Variants in BCL9L observed in about 807,000 individuals in gnomAD.
BCL9L encodes the protein B-cell CLL/lymphoma 9-like protein.
In BCL9L, 19 loss-of-function variants were observed where a neutral mutation model predicts 99.4. The observed-to-expected ratio is 0.19, with a 90% CI of 0.13 to 0.28. The LOEUF is 0.28. Among genes scored for constraint, BCL9L ranks in the 10% least tolerant of loss-of-function variants. The pLI is 1.00. For missense variants in BCL9L, 2,023 were observed against 2,101.6 expected (o/e 0.96, Z 0.73); for synonymous variants, 900 against 854.8 (o/e 1.05, Z -0.92).
chr11:118,899,323 G>A lies in BCL9L; in HGVS notation c.3592C>T (p.Pro1198Ser), dbSNP rs749292480. 5 of 1,557,668 alleles carry A rather than the reference G, an allele frequency of 3.2e-6. No individual in the cohort carries two copies. The highest frequency in any genetic ancestry group is 4.3e-6 in the Non-Finnish European group (5 of 1,152,200). The change falls in exon 10 of 10, where the codon CCT (proline) becomes TCT (serine). Residue 1198 changes from proline (P) to serine (S), a missense_variant. Physicochemically the swap from Pro to Ser is moderately conservative, Grantham distance 74 (BLOSUM62 -1). Coordinates refer to ENST00000683865, the MANE Select transcript of BCL9L (RefSeq NM_001378213.1). ...HPNAQGTGGP[P>S]QNSMMMAPGG... ...GGGGCCATCATCATGGAGTTTTGAG[G>A]GGGCCCCCCTGTCCCCTGTGCGTTG... is the stretch of plus-strand genomic sequence containing the variant.
Position 118,902,050 on chromosome 11 carries a change from G to A in BCL9L, c.1693C>T (p.His565Tyr). Residue 565 changes from histidine (H) to tyrosine (Y), a missense_variant, in exon 8 of 10, where the codon CAC becomes TAC. Around this residue, in one of 3 missense-constraint regions of BCL9L, gnomAD observed 1,116 missense variants for 1,194.6 expected, o/e 0.93. Transcript: ENST00000683865. This position sits in a 1 kb window ranked among gnomAD's most constrained non-coding sequence, Gnocchi z 7.8. ...GGCCACTGATCCCCAGGCTTGCTGTGGTAAGGAGGCGGGGGCCCCCTCACC... is the reference window on the plus strand; with the variant it reads ...GGCCACTGATCCCCAGGCTTGCTGTAGTAAGGAGGCGGGGGCCCCCTCACC... ...MMVRGPPPPYHSKPGDQWPPG... is the reference protein window; with the variant it reads ...MMVRGPPPPYYSKPGDQWPPG... 1.2e-6 allele frequency: 2 copies of A among 1,614,044 alleles called. No individual in the cohort carries two copies. Among genetic ancestry groups the A allele is most frequent in the Admixed American group, 1.7e-5 (1 of 60,030 alleles).
intron 9 of BCL9L, among the ~76,000 whole-genome samples, 155 bp downstream of exon 9, chr11:118,899,762 A>G (rs1054887216): frequency 9.9e-5 from 15 of 152,106 alleles, no homozygotes; most frequent in Non-Finnish European, 1.8e-4. Context: ...GGGTTTCCCT[A>G]ATGACTCCAG....
Position 118,907,606 on chromosome 11 carries a change from C to A in BCL9L, c.413-4G>T, listed in dbSNP as rs367712528. 11 of 1,611,762 alleles carry A rather than the reference C, an allele frequency of 6.8e-6. No homozygotes were observed. In the South Asian group the frequency reaches 1.2e-4, roughly 18 times the overall value. On this transcript the variant is annotated splice_polypyrimidine_tract_variant and splice_region_variant and intron_variant, in intron 4 of 9. Coordinates refer to ENST00000683865, the MANE Select transcript of BCL9L (RefSeq NM_001378213.1). ...CGCTTACTCCGCGGCGCCACCTCTG[C>A]CCAGGCAGGACGGAGGAAAGAGTGA...
At chr11:118,906,255 G>A (rs867023674) in intron 5 of BCL9L, among the ~76,000 whole-genome samples, 1 of 152,320 alleles carries the variant, frequency 6.6e-6, no homozygotes, top group South Asian at 2.1e-4. Flanking sequence ...TGTGACATAA[G>A]TGAACTGGAG....
At position 118,902,009 on chromosome 11, in the gene BCL9L, C is replaced by A; in HGVS notation, c.1734G>T (p.Ala578=). 3.7e-6 allele frequency: 6 copies of A among 1,613,518 alleles called. No individual in the cohort carries two copies. Among genetic ancestry groups the A allele is most frequent in the Non-Finnish European group, 5.1e-6 (6 of 1,179,942 alleles). Residue 578 remains alanine, a synonymous_variant, in exon 8 of 10, where the codon GCG becomes GCT. Transcript: ENST00000683865. The surrounding 1 kb of genome is among the most constrained non-coding windows in gnomAD (Gnocchi z 7.8). ...PGDQWPPGMG[A]QLRGPMDVQD... ...GAACATCCATGGGCCCCCGCAGCTG[C>A]GCACCCATTCCAGGTGGCCACTGAT...
rs1940253914 is a variant in BCL9L at position 118,901,793 on chromosome 11, G to T, written c.1950C>A (p.Ser650Arg). Residue 650 changes from serine (S) to arginine (R), a missense_variant, in exon 8 of 10, where the codon AGC becomes AGA. Around this residue, in one of 3 missense-constraint regions of BCL9L, gnomAD observed 1,116 missense variants for 1,194.6 expected, o/e 0.93. Coordinates refer to ENST00000683865, the MANE Select transcript of BCL9L (RefSeq NM_001378213.1). This position sits in a 1 kb window ranked among gnomAD's most constrained non-coding sequence, Gnocchi z 6.6. ...AGGGCATGGTGTTCTGGGCAAAATT[G>T]CTGGGTCCCCCCATAGGGGGCAAGT... The part of the protein sequence containing the change: ...TEDLPPMGGP[S>R]NFAQNTMPYP... 1.2e-6 allele frequency: 2 copies of T among 1,611,018 alleles called. No homozygotes were observed. Among genetic ancestry groups the T allele is most frequent in the East Asian group, 4.5e-5 (2 of 44,780 alleles).
chr11:118,908,727 C>G, intron 3 of BCL9L, 72 bp from the exon 4 acceptor site: 1 of 1,382,188 alleles, frequency 7.2e-7, no homozygotes. Context: ...CTTAATTACC[C>G]CATCCTGCCT....
rs564185660 is a variant in BCL9L at position 118,914,252 on chromosome 11, G to A, written c.-76-4237C>T. Among the ~76,000 whole-genome samples the A allele has an allele frequency of 6.6e-6, 1 of 152,276 alleles. No homozygotes were observed. Among genetic ancestry groups the A allele is most frequent in the African/African-American group, 2.4e-5 (1 of 41,548 alleles). ...GGGTTAATCTGTCCCCTATTTAGGG[G>A]GGTAGGGGTGGCCGAGGAACCTCCT... On this transcript the variant is annotated intron_variant, in intron 2 of 9. Coordinates refer to ENST00000683865, the MANE Select transcript of BCL9L (RefSeq NM_001378213.1). The surrounding 1 kb of genome is among the most constrained non-coding windows in gnomAD (Gnocchi z 4.4).
At position 118,908,258 on chromosome 11, in the gene BCL9L, G is replaced by A. The variant is rs775143124; in HGVS notation, c.412+12C>T. ...GAGATGCTAGGGTCTTAGGGATGAGGAAATGGGGTACCTTTGGCCTCTGAA... is the reference window on the plus strand; with the variant it reads ...GAGATGCTAGGGTCTTAGGGATGAGAAAATGGGGTACCTTTGGCCTCTGAA... On this transcript the variant is annotated intron_variant, in intron 4 of 9. Transcript: ENST00000683865. The A allele has an allele frequency of 8.5e-6, 13 of 1,535,994 alleles. No individual in the cohort carries two copies. The highest frequency in any genetic ancestry group is 2.0e-5 in the Admixed American group (1 of 48,820).
rs1940617290 is a variant in BCL9L at position 118,908,330 on chromosome 11, A to T, written c.352T>A (p.Ser118Thr). The part of the protein sequence containing the change: ...KGKVKRDRSV[S>T]VDSGEQREAG... ...TCTCGCTGCTCTCCAGAGTCCACAGACACACTCCGGTCCCTCTTCACCTTG... is the reference window on the plus strand; with the variant it reads ...TCTCGCTGCTCTCCAGAGTCCACAGTCACACTCCGGTCCCTCTTCACCTTG... The change falls in exon 4 of 10, where the codon TCT (serine) becomes ACT (threonine). Residue 118 changes from serine to threonine, a missense_variant. Physicochemically the swap from Ser to Thr is moderately conservative, Grantham distance 58 (BLOSUM62 1). Transcript: ENST00000683865. 6.2e-7 allele frequency: 1 copy of T among 1,605,154 alleles called. No homozygotes were observed. Among genetic ancestry groups the T allele is most frequent in the South Asian group, 1.1e-5 (1 of 89,920 alleles).
rs763488861 is a variant in BCL9L at position 118,907,554 on chromosome 11, G to A, written c.461C>T (p.Pro154Leu). The change falls in exon 5 of 10, where the codon CCG becomes CTG. Residue 154 changes from proline to leucine, a missense_variant. Around this residue, in one of 3 missense-constraint regions of BCL9L, gnomAD observed 1,116 missense variants for 1,194.6 expected, o/e 0.93. Coordinates refer to ENST00000683865, the MANE Select transcript of BCL9L (RefSeq NM_001378213.1). Reference protein sequence around the residue: ...KRRCVLERKQPYSGDEWCSGP... With the variant: ...KRRCVLERKQLYSGDEWCSGP... Reference sequence around the variant, plus strand: ...AGAGCACCATTCGTCCCCACTGTACGGCTGCTTCCGCTCCAGCACACAGCG... The same window carrying A: ...AGAGCACCATTCGTCCCCACTGTACAGCTGCTTCCGCTCCAGCACACAGCG... 7 of 1,614,086 alleles carry A rather than the reference G, an allele frequency of 4.3e-6. No individual in the cohort carries two copies. In the South Asian group the frequency reaches 4.4e-5, roughly 10 times the overall value.
chr11:118,900,841 T>G lies in BCL9L; in HGVS notation c.2902A>C (p.Asn968His). ...GGCGACTTGAGAGGTCCTGGCGGGT[T>G]GGCAGAAGGCAAGGGCACCATCTGT... ...PSQMVPLPSA[N>H]PPGPLKSPQV... The change falls in exon 8 of 10, where the codon AAC (asparagine) becomes CAC (histidine). Residue 968 changes from asparagine (N) to histidine (H), a missense_variant. Asn to His is a moderately conservative substitution (Grantham distance 68). Coordinates refer to ENST00000683865, the MANE Select transcript of BCL9L (RefSeq NM_001378213.1). The surrounding 1 kb of genome is among the most constrained non-coding windows in gnomAD (Gnocchi z 5.3). The G allele has an allele frequency of 6.2e-7, 1 of 1,613,060 alleles. No homozygotes were observed. The highest frequency in any genetic ancestry group is 1.1e-5 in the South Asian group (1 of 91,062).
rs754751453 is a variant in BCL9L at position 118,902,549 on chromosome 11, G to C, written c.1194C>G (p.Gly398=). 4 of 1,602,280 alleles carry C rather than the reference G, an allele frequency of 2.5e-6. No individual in the cohort carries two copies. In the South Asian group the frequency reaches 4.4e-5, roughly 18 times the overall value. Reference sequence around the variant, plus strand: ...GATGCTCCAGCTGCTCTTTGGACAAGCCCTCTGAGCCCACCAGGCTGCGCT... The same window carrying C: ...GATGCTCCAGCTGCTCTTTGGACAACCCCTCTGAGCCCACCAGGCTGCGCT... ...NGQRSLVGSE[G]LSKEQLEHRE... The change falls in exon 8 of 10, where the codon GGC becomes GGG. Residue 398 remains glycine, a synonymous_variant. Transcript: ENST00000683865. The surrounding 1 kb of genome is among the most constrained non-coding windows in gnomAD (Gnocchi z 7.8).
rs766137991 is a variant in BCL9L at position 118,899,981 on chromosome 11, G to A, written c.3342C>T (p.Asp1114=). 15 of 1,613,960 alleles carry A rather than the reference G, an allele frequency of 9.3e-6. No individual in the cohort carries two copies. Among genetic ancestry groups the A allele is most frequent in the South Asian group, 2.2e-5 (2 of 91,092 alleles). The part of the protein sequence containing the change: ...HNAIKTIATS[D]DELLPDRPLL... ...GGGGCCGGTCGGGCAGCAGCTCGTC[G>A]TCTGAGGTGGCGATGGTCTTGATGG... is the stretch of plus-strand genomic sequence containing the variant. The change falls in exon 9 of 10, where the codon GAC becomes GAT. Residue 1114 remains aspartate (D), a synonymous_variant. Coordinates refer to ENST00000683865, the MANE Select transcript of BCL9L (RefSeq NM_001378213.1).
In BCL9L at chr11:118,907,581, C is replaced by T. The variant is rs780637963; in HGVS notation, c.434G>A (p.Arg145Gln). ...EAKEVAPRSK[R>Q]RCVLERKQPY... ...CTGCTTCCGCTCCAGCACACAGCGC[C>T]GCTTACTCCGCGGCGCCACCTCTGC... Residue 145 changes from arginine (R) to glutamine (Q), a missense_variant, in exon 5 of 10, where the codon CGG becomes CAG. Around this residue, in one of 3 missense-constraint regions of BCL9L, gnomAD observed 1,116 missense variants for 1,194.6 expected, o/e 0.93. Coordinates refer to ENST00000683865, the MANE Select transcript of BCL9L (RefSeq NM_001378213.1). 7.4e-6 allele frequency: 12 copies of T among 1,613,592 alleles called. No individual in the cohort carries two copies. The highest frequency in any genetic ancestry group is 9.3e-6 in the Non-Finnish European group (11 of 1,180,020).
intron 3 of BCL9L, among the ~76,000 whole-genome samples, chr11:118,909,675 T>A (rs538571011): frequency 6.6e-6 from 1 of 152,132 alleles, no homozygotes; most frequent in East Asian, 1.9e-4. Flanking sequence ...GCCGCAAGCA[T>A]AGCTGGCTGC....
In BCL9L at chr11:118,914,666, C is replaced by T. The variant is rs1940911556; in HGVS notation, c.-77+4160G>A. Among the ~76,000 whole-genome samples the T allele has an allele frequency of 6.6e-6, 1 of 152,180 alleles. No homozygotes were observed. On this transcript the variant is annotated intron_variant, in intron 2 of 9. Coordinates refer to ENST00000683865, the MANE Select transcript of BCL9L (RefSeq NM_001378213.1). The surrounding 1 kb of genome is among the most constrained non-coding windows in gnomAD (Gnocchi z 4.4). The stretch of plus-strand genomic sequence containing the variant: ...GGGGTTTCTGGTGTCAGTCCTGGCA[C>T]CCTCAGGCAAGAAAGGCTTAGGGGA...
chr11:118,900,339 C>T lies in BCL9L; in HGVS notation c.3125-141G>A. On this transcript the variant is annotated intron_variant, in intron 8 of 9. Transcript: ENST00000683865. This position sits in a 1 kb window ranked among gnomAD's most constrained non-coding sequence, Gnocchi z 5.3. Reference sequence around the variant, plus strand: ...AGACACACCCACAGGCCCCCACTATCTCCAGAGCCCACCAGTCTTCAAGCA... The same window carrying T: ...AGACACACCCACAGGCCCCCACTATTTCCAGAGCCCACCAGTCTTCAAGCA... The T allele has an allele frequency of 5.2e-6, 6 of 1,160,362 alleles. No homozygotes were observed. The highest frequency in any genetic ancestry group is 7.1e-6 in the Non-Finnish European group (6 of 849,632). 71.9% of individuals were successfully genotyped at this position (1,160,362 alleles called of 1,614,324 possible). A position where few individuals can be genotyped will look rare whatever the true frequency, so the allele number is the denominator to read the frequency against.
chr11:118,899,524 G>C lies in BCL9L; in HGVS notation c.3407-16C>G. On this transcript the variant is annotated splice_polypyrimidine_tract_variant and intron_variant, in intron 9 of 9. Transcript: ENST00000683865. Reference sequence around the variant, plus strand: ...TTGCTGATCCCTGTAGGGAATAGAAGACAGGGGGTCAGGCACGGTGTGCCC... The same window carrying C: ...TTGCTGATCCCTGTAGGGAATAGAACACAGGGGGTCAGGCACGGTGTGCCC... 1 of 1,605,788 alleles carries C rather than the reference G, an allele frequency of 6.2e-7. No individual in the cohort carries two copies. The highest frequency in any genetic ancestry group is 8.5e-7 in the Non-Finnish European group (1 of 1,177,742).
Sources: allele counts gnomAD v4.1 joint callset (sites outside exome capture counted in the v4.1 genomes callset), GRCh38; gene constraint gnomAD v4.1.1; regional missense constraint gnomAD v4.1.1; non-coding constraint Gnocchi (gnomAD v3.1); transcripts MANE v1.5; gene names NCBI Gene and HGNC (gene_info 2026-07-23, HGNC 2026-07-21).